Variants in SV2C observed in about 807,000 individuals in gnomAD.
SV2C encodes synaptic vesicle glycoprotein 2C.
A neutral mutation model predicts 79.7 loss-of-function variants in SV2C; 49 were observed. That is an observed-to-expected ratio of 0.61 (90% confidence interval 0.49 to 0.78). The LOEUF (loss-of-function observed/expected upper bound fraction) is 0.78. Among genes scored for constraint, SV2C ranks in the 30% least tolerant of loss-of-function variants. The probability of loss-of-function intolerance (pLI) is 0.00; values close to 1 mark genes in which losing one functional copy is unlikely to be tolerated. For synonymous variants in SV2C, 334 were observed against 333.2 expected (o/e 1.00, Z -0.03); for missense variants, 833 against 912.9 (o/e 0.91, Z 1.13).
intron 4 of SV2C, among the ~76,000 whole-genome samples, chr5:76,226,322 C>G (rs1028260180): frequency 6.6e-6 from 1 of 151,988 alleles, no homozygotes; most frequent in African/African-American, 2.4e-5. Flanking sequence ...ATAAATGAAG[C>G]TGGCAGAAAA....
At chr5:75,853,945 A>G in the SV2C span, among the ~76,000 whole-genome samples, 1 of 151,280 alleles carries the variant, frequency 6.6e-6, no homozygotes, top group Non-Finnish European at 1.5e-5. Context: ...TAGCTTTGAC[A>G]GATATATATA....
chr5:76,134,702 T>C (rs2112193997), intron 2 of SV2C, among the ~76,000 whole-genome samples: 1 of 152,348 alleles, frequency 6.6e-6, no homozygotes, highest in South Asian at 2.1e-4. Context: ...TGCCTGTATC[T>C]GTGTATATAG....
At chr5:76,206,371 G>C (rs933540332) in intron 3 of SV2C, among the ~76,000 whole-genome samples, 14 of 152,178 alleles carry the variant, frequency 9.2e-5, no homozygotes, top group African/African-American at 3.4e-4. Context: ...AGTGTCCCCT[G>C]AGCAGTTCCA....
At chr5:75,979,384 G>C in the SV2C span, among the ~76,000 whole-genome samples, 2 of 151,740 alleles carry the variant, frequency 1.3e-5, no homozygotes, top group African/African-American at 4.8e-5. Flanking sequence ...AAATGGACCT[G>C]ATGCCTACAG....
chr5:75,955,084 C>G, the SV2C span, among the ~76,000 whole-genome samples: 1 of 146,176 alleles, frequency 6.8e-6, no homozygotes, highest in Admixed American at 6.7e-5. Context: ...CCCACATCGC[C>G]AAGTCAATCC....
At chr5:76,158,773 A>G (rs1330754393) in intron 2 of SV2C, among the ~76,000 whole-genome samples, 1 of 152,070 alleles carries the variant, frequency 6.6e-6, no homozygotes, top group Admixed American at 6.6e-5. Context: ...TAGAAGATGA[A>G]GGAACACTTT....
At chr5:75,958,682 T>C in the SV2C span, among the ~76,000 whole-genome samples, 1 of 152,092 alleles carries the variant, frequency 6.6e-6, no homozygotes, top group African/African-American at 2.4e-5. Flanking sequence ...AGATTTCTAA[T>C]GGTCTCCTTG....
At chr5:76,215,704 G>A (rs924306942) in intron 4 of SV2C, among the ~76,000 whole-genome samples, 2 of 152,184 alleles carry the variant, frequency 1.3e-5, no homozygotes, top group African/African-American at 2.4e-5. Context: ...CATTGAGTTT[G>A]CACCCTGCAG....
the SV2C span, among the ~76,000 whole-genome samples, chr5:76,031,240 A>G: frequency 6.6e-6 from 1 of 152,204 alleles, no homozygotes; most frequent in African/African-American, 2.4e-5. Flanking sequence ...AGCCAGTGTC[A>G]GTGGGCATGT....
At chr5:75,905,815 G>C in the SV2C span, among the ~76,000 whole-genome samples, 1 of 151,450 alleles carries the variant, frequency 6.6e-6, no homozygotes, top group African/African-American at 2.4e-5. Context: ...GTATTGTTCT[G>C]CCATCTGCAC....
At chr5:75,988,673 G>A in the SV2C span, among the ~76,000 whole-genome samples, 1 of 151,932 alleles carries the variant, frequency 6.6e-6, no homozygotes, top group African/African-American at 2.4e-5. Flanking sequence ...GCAGACATAA[G>A]GATGGTCTCT....
chr5:75,970,136 A>C, the SV2C span, among the ~76,000 whole-genome samples: 1 of 152,174 alleles, frequency 6.6e-6, no homozygotes, highest in South Asian at 2.1e-4. Context: ...GAGAACAAAG[A>C]TACAACATAC....
chr5:75,912,922 AT>A, the SV2C span, among the ~76,000 whole-genome samples: 1 of 152,234 alleles, frequency 6.6e-6, no homozygotes, highest in Non-Finnish European at 1.5e-5. Context: ...GTGAGTTGGA[AT>A]AAACCTAGAA....
the SV2C span, among the ~76,000 whole-genome samples, chr5:75,900,520 G>C: frequency 1.3e-5 from 2 of 151,976 alleles, no homozygotes; most frequent in Non-Finnish European, 2.9e-5. Context: ...TTCAACTTTG[G>C]CGAATCTGAC....
At chr5:76,039,028 G>T in the SV2C span, among the ~76,000 whole-genome samples, 1 of 152,146 alleles carries the variant, frequency 6.6e-6, no homozygotes, top group East Asian at 1.9e-4. Flanking sequence ...AAAGATGCTG[G>T]CTATTTTTTC....
At chr5:75,931,524 T>C in the SV2C span, among the ~76,000 whole-genome samples, 1 of 152,224 alleles carries the variant, frequency 6.6e-6, no homozygotes, top group African/African-American at 2.4e-5. Context: ...GCAGTTTTGT[T>C]CCAAAAGAAA....
intron 4 of SV2C, among the ~76,000 whole-genome samples, chr5:76,215,811 A>G (rs1309476064): frequency 1.3e-5 from 2 of 152,104 alleles, no homozygotes; most frequent in African/African-American, 2.4e-5. Flanking sequence ...GGAATGGATA[A>G]TTGGCATCCA....
intron 4 of SV2C, among the ~76,000 whole-genome samples, chr5:76,218,712 C>T (rs553514393): frequency 4.4e-5 from 4 of 90,718 alleles, no homozygotes; most frequent in Non-Finnish European, 7.0e-5. Context: ...ATATGTATAA[C>T]TATATAACAA....
intron 2 of SV2C, 149 bp from the exon 3 acceptor site, chr5:76,194,770 C>T (rs987254327): frequency 1.1e-6 from 1 of 914,146 alleles, no homozygotes; most frequent in Admixed American, 2.7e-5. Flanking sequence ...AACTTGAAAA[C>T]TGATTACTGT....
Sources: allele counts gnomAD v4.1 joint callset (sites outside exome capture counted in the v4.1 genomes callset), GRCh38; gene constraint gnomAD v4.1.1; transcripts MANE v1.5; gene names NCBI Gene and HGNC (gene_info 2026-07-23, HGNC 2026-07-21).